Variants in SYTL3 observed in about 807,000 individuals in gnomAD.
SYTL3 encodes the protein synaptotagmin like 3.
In SYTL3, 88 loss-of-function variants were observed where a neutral mutation model predicts 82.1. The observed-to-expected ratio is 1.07, with a 90% confidence interval of 0.90 to 1.28. The LOEUF (loss-of-function observed/expected upper bound fraction) is 1.28, where lower values mean the gene tolerates loss of function less well. SYTL3 is among the 50% of genes most tolerant of loss of function. SYTL3 has a pLI of 0.00. For missense variants in SYTL3, 831 were observed against 757.6 expected, an observed-to-expected ratio of 1.10 and a Z score of -1.14; for synonymous variants, 311 against 289.4, an observed-to-expected ratio of 1.07 and a Z score of -0.76.
chr6:158,678,753 C>A (rs1450608066), intron 5 of SYTL3, among the ~76,000 whole-genome samples: 1 of 152,128 alleles, frequency 6.6e-6, no homozygotes, highest in Non-Finnish European at 1.5e-5. Flanking sequence ...GGTCAGGTCT[C>A]CTGATTCTAT....
At chr6:158,736,560 G>A (rs1052507678) in intron 11 of SYTL3, among the ~76,000 whole-genome samples, 24 of 151,970 alleles carry the variant, frequency 1.6e-4, no homozygotes, top group African/African-American at 2.9e-4. Context: ...AGGCCAAGGC[G>A]GGCGGATCAC....
At chr6:158,648,453 C>T (rs1437807205), upstream of SYTL3, among the ~76,000 whole-genome samples, 15 of 144,308 alleles carry the variant, frequency 1.0e-4, no homozygotes, top group African/African-American at 2.3e-4. Flanking sequence ...TAGCTGGGTG[C>T]GGTGGTGGGC....
intron 12 of SYTL3, among the ~76,000 whole-genome samples, chr6:158,746,459 A>ATATTATTATTATTAT (rs775751372): frequency 2.8e-5 from 4 of 142,062 alleles, no homozygotes; most frequent in Non-Finnish European, 4.5e-5. Context: ...AATAATAATA[A>ATATTATTATTATTAT]TATTATTATT....
intron 12 of SYTL3, among the ~76,000 whole-genome samples, chr6:158,751,236 G>A (rs574172464): frequency 2.6e-5 from 4 of 152,232 alleles, no homozygotes; most frequent in African/African-American, 4.8e-5. Context: ...TTTCTAGCCT[G>A]TGGAGAGGGG....
At chr6:158,682,823 C>A in intron 5 of SYTL3, 102 bp from the exon 6 acceptor site, 1 of 811,622 alleles carries the variant, frequency 1.2e-6, no homozygotes, top group Non-Finnish European at 2.0e-6. Flanking sequence ...AGGTCCATTG[C>A]AAGACTAATA....
chr6:158,666,751 C>T (rs530764172), intron 5 of SYTL3, among the ~76,000 whole-genome samples: 12 of 152,308 alleles, frequency 7.9e-5, no homozygotes, highest in African/African-American at 2.4e-4. Flanking sequence ...CTGTGTTTAA[C>T]GCACGCCCTG....
chr6:158,740,869 A>C (rs1786839722), intron 11 of SYTL3, among the ~76,000 whole-genome samples: 1 of 152,182 alleles, frequency 6.6e-6, no homozygotes, highest in African/African-American at 2.4e-5. Context: ...AAGAGAAATG[A>C]GTTTGTTTAT....
chr6:158,649,918 A>T (rs1263379935), upstream of SYTL3: 2 of 152,092 alleles, frequency 1.3e-5, no homozygotes, highest in African/African-American at 4.8e-5. Context: ...GTGATGTGGG[A>T]GTAGCCACCG....
intron 11 of SYTL3, among the ~76,000 whole-genome samples, chr6:158,739,857 C>CGAGAA: frequency 6.6e-6 from 1 of 152,020 alleles, no homozygotes; most frequent in South Asian, 2.1e-4. Context: ...CATTTTTTCT[C>CGAGAA]CTCTGTGCTT....
intron 6 of SYTL3, among the ~76,000 whole-genome samples, chr6:158,689,674 G>A (rs1159902680): frequency 6.8e-6 from 1 of 147,670 alleles, no homozygotes; most frequent in African/African-American, 2.5e-5. Flanking sequence ...TTCCCCTTGA[G>A]ACAGAGTCTC....
rs775313887 is a variant in SYTL3, at chr6:158,764,587, ACT to A, written c.1819_1820del (p.Leu607CysfsTer6). 4 of 1,613,408 alleles carry A rather than the reference ACT, an allele frequency of 2.5e-6. No individual in the cohort carries two copies. Among genetic ancestry groups the A allele is most frequent in the Middle Eastern group, 1.6e-4 (1 of 6,084 alleles). ...LSSPNLWTDMTLVLH is the reference protein window; with the variant it reads ...LSSPNLWTDMXLVLH ...CAGCCCCAATCTATGGACAGACATG[ACT>A]CTTGTCCTGCACTGACATGAAGGCC... On this transcript the variant is annotated frameshift_variant, in exon 18 of 18. Transcript: ENST00000611299. LOFTEE classifies it high-confidence loss of function.
rs137907566 is a variant in SYTL3 at position 158,665,489 on chromosome 6, G to T, written c.205G>T (p.Val69Leu). Residue 69 changes from valine to leucine, a missense_variant, in exon 5 of 18, where the codon GTG becomes TTG. Val to Leu is a conservative substitution (Grantham distance 32, BLOSUM62 1). Coordinates refer to ENST00000611299, the MANE Select transcript of SYTL3 (RefSeq NM_001242394.2). Reference protein sequence around the residue: ...KEKCCARCQQVLGFLLHRGAV... With the variant: ...KEKCCARCQQLLGFLLHRGAV... ...GAAGTGCTGTGCGCGCTGCCAGCAGGTGCTGGGGTTCCTGCTGCACCGGGG... is the reference window on the plus strand; with the variant it reads ...GAAGTGCTGTGCGCGCTGCCAGCAGTTGCTGGGGTTCCTGCTGCACCGGGG... 1.6e-3 allele frequency: 2,643 copies of T among 1,605,596 alleles called. 6 individuals carry two copies. Among genetic ancestry groups the T allele is most frequent in the Non-Finnish European group, 2.1e-3 (2,416 of 1,176,316 alleles).
chr6:158,658,449 C>T (rs1381815484), intron 2 of SYTL3, among the ~76,000 whole-genome samples: 2 of 152,124 alleles, frequency 1.3e-5, no homozygotes, highest in Non-Finnish European at 2.9e-5. Context: ...GTGGTTCAAT[C>T]GAATGCCCAA....
At position 158,684,810 on chromosome 6, in the gene SYTL3, TAA is replaced by T. The variant is rs370131896; in HGVS notation, c.394+1837_394+1838del. On this transcript the variant is annotated intron_variant, in intron 6 of 17. Transcript: ENST00000611299. ...CATGGTTTATATTCCTGGCTCTTCT[TAA>T]AAAAAAAAAAAAAAACGCTGCTTCT... Among the ~76,000 whole-genome samples the T allele has an allele frequency of 2.7e-3, 342 of 125,456 alleles. 1 individual carries two copies. Among genetic ancestry groups the T allele is most frequent in the South Asian group, 5.9e-3 (23 of 3,880 alleles). 82.3% of individuals were successfully genotyped at this position (125,456 alleles called of 152,430 possible).
intron 9 of SYTL3, among the ~76,000 whole-genome samples, chr6:158,717,654 G>A (rs1388435821): frequency 5.3e-5 from 8 of 151,996 alleles, no homozygotes; most frequent in Non-Finnish European, 1.2e-4. Flanking sequence ...TTTTTACCTC[G>A]CTTCAAAAAG....
At chr6:158,691,862 A>C (rs1562381373) in intron 6 of SYTL3, among the ~76,000 whole-genome samples, 1 of 150,220 alleles carries the variant, frequency 6.7e-6, no homozygotes, top group Non-Finnish European at 1.5e-5. Context: ...CGTGTTAGCC[A>C]AGATGGTCAC....
In SYTL3 at chr6:158,656,345, G is replaced by A. The variant is rs193013821; in HGVS notation, c.-637+4503G>A. On this transcript the variant is annotated intron_variant, in intron 2 of 17. Transcript: ENST00000611299. ...TCACTGCTGCTCTGGGTGGTTGCATGTGGTCGTTTGCCTGCAAGCAGGTGG... is the reference window on the plus strand; with the variant it reads ...TCACTGCTGCTCTGGGTGGTTGCATATGGTCGTTTGCCTGCAAGCAGGTGG... Among the ~76,000 whole-genome samples, 22 of 152,282 alleles carry A rather than the reference G, an allele frequency of 1.4e-4. 1 individual carries two copies. Among genetic ancestry groups the A allele is most frequent in the African/African-American group, 5.3e-4 (22 of 41,556 alleles).
chr6:158,761,902 G>A (rs1031569413), intron 15 of SYTL3, among the ~76,000 whole-genome samples, 174 bp from the exon 16 acceptor site: 2 of 151,980 alleles, frequency 1.3e-5, no homozygotes, highest in Admixed American at 6.6e-5. Context: ...TGTGGGCAGC[G>A]CCACAGCCTG....
rs553781177 is a variant in SYTL3 at position 158,673,440 on chromosome 6, ATT to A, written c.329+7843_329+7844del. ...CTTACACAGCTTCTTTGGGAATAGC[ATT>A]TTTTTTTTTTTTTTTGAGACGGAGT... On this transcript the variant is annotated intron_variant, in intron 5 of 17. Transcript: ENST00000611299. Among the ~76,000 whole-genome samples, 117 of 134,492 alleles carry A rather than the reference ATT, an allele frequency of 8.7e-4. 1 individual carries two copies. The highest frequency in any genetic ancestry group is 2.9e-3 in the African/African-American group (108 of 36,696). 88.2% of individuals were successfully genotyped at this position (134,492 alleles called of 152,430 possible). A position where few individuals can be genotyped will look rare whatever the true frequency, so the allele number is the denominator to read the frequency against.
Sources: gnomAD v4.1 joint callset for allele counts (sites outside exome capture counted in the v4.1 genomes callset) on GRCh38, gnomAD v4.1.1 for gene constraint, MANE v1.5 for transcripts, NCBI Gene and HGNC (gene_info 2026-07-23, HGNC 2026-07-21) for gene names.